Variants in DTNBP1 observed in about 807,000 individuals in gnomAD.
DTNBP1 encodes the protein dystrobrevin binding protein 1, also known as dysbindin.
A neutral mutation model predicts 42.8 loss-of-function variants in DTNBP1; 35 were observed. That is an observed-to-expected ratio of 0.82 (90% CI 0.63 to 1.09). The LOEUF (loss-of-function observed/expected upper bound fraction) is 1.09. Among genes scored for constraint, DTNBP1 ranks in the 50% least tolerant of loss-of-function variants. The pLI, the probability that DTNBP1 is intolerant of heterozygous loss-of-function variation, is 0.00. For missense variants in DTNBP1, 457 were observed against 424.2 expected, an observed-to-expected ratio of 1.08 and a Z score of -0.68; for synonymous variants, 171 against 162.2, an observed-to-expected ratio of 1.05 and a Z score of -0.41.
At chr6:15,528,382 TACC>T (rs34327565) in intron 8 of DTNBP1, among the ~76,000 whole-genome samples, 24,143 of 151,978 alleles carry the variant, frequency 0.16, 2,953 homozygotes, top group African/African-American at 0.34. Flanking sequence ...AGCACACCCT[TACC>T]ACCCCAGGCA....
At chr6:15,567,330 A>G (rs1775136829) in intron 7 of DTNBP1, among the ~76,000 whole-genome samples, 1 of 151,948 alleles carries the variant, frequency 6.6e-6, no homozygotes, top group African/African-American at 2.4e-5. Context: ...GCAAATACCT[A>G]TAGCCCCAGC....
chr6:15,532,697 C>CT (rs373480713), intron 8 of DTNBP1, among the ~76,000 whole-genome samples: 52,881 of 92,440 alleles, frequency 0.57, 17,426 homozygotes, highest in East Asian at 0.89. Context: ...TGTTTGTAAT[C>CT]TTTTTTTTTT....
chr6:15,611,044 G>C (rs984830510), intron 6 of DTNBP1, among the ~76,000 whole-genome samples: 6 of 152,222 alleles, frequency 3.9e-5, no homozygotes, highest in Non-Finnish European at 8.8e-5. Context: ...TGACACCTAG[G>C]ACTTTCATAG....
At chr6:15,532,551 G>C (rs1413309886) in intron 8 of DTNBP1, among the ~76,000 whole-genome samples, 1 of 152,116 alleles carries the variant, frequency 6.6e-6, no homozygotes. Context: ...ATACCAATTA[G>C]ATAAGCAGAC....
At chr6:15,531,402 C>T (rs138684242) in intron 8 of DTNBP1, among the ~76,000 whole-genome samples, 6 of 151,982 alleles carry the variant, frequency 3.9e-5, no homozygotes, top group African/African-American at 1.2e-4. Flanking sequence ...CACGTATGCT[C>T]GGAGGAAACG....
intron 7 of DTNBP1, 105 bp downstream of exon 7, chr6:15,592,954 A>G (rs1227049653): frequency 8.5e-7 from 1 of 1,173,700 alleles, no homozygotes; most frequent in Admixed American, 2.6e-5. Context: ...TTACTGTTTT[A>G]TGTAAACTGA....
At chr6:15,531,784 T>C (rs1018862884) in intron 8 of DTNBP1, among the ~76,000 whole-genome samples, 7 of 152,172 alleles carry the variant, frequency 4.6e-5, no homozygotes, top group Admixed American at 1.3e-4. Flanking sequence ...CAGGCACATG[T>C]CACCACGCCC....
chr6:15,523,222 G>A lies in DTNBP1; in HGVS notation c.812-3C>T. The A allele has an allele frequency of 6.2e-7, 1 of 1,614,058 alleles. No individual in the cohort carries two copies. The highest frequency in any genetic ancestry group is 8.5e-7 in the Non-Finnish European group (1 of 1,179,992). ...CTGACAGGTACTGGATTCAGGCCCT[G>A]CAAAATAACGTAGGGAAGAAAAAGC... On this transcript the variant is annotated splice_polypyrimidine_tract_variant and splice_region_variant and intron_variant, in intron 9 of 9. Coordinates refer to ENST00000344537, the MANE Select transcript of DTNBP1 (RefSeq NM_032122.5).
At chr6:15,559,415 A>T (rs557474083) in intron 7 of DTNBP1, among the ~76,000 whole-genome samples, 1 of 152,346 alleles carries the variant, frequency 6.6e-6, no homozygotes, top group African/African-American at 2.4e-5. Context: ...CCTACACAAC[A>T]ACAACAAACC....
chr6:15,561,057 A>G (rs1774816345), intron 7 of DTNBP1, among the ~76,000 whole-genome samples: 1 of 152,216 alleles, frequency 6.6e-6, no homozygotes, highest in Non-Finnish European at 1.5e-5. Context: ...ACTATGTTTC[A>G]ATAACTATAG....
At chr6:15,534,274 T>C (rs1773073236) in intron 7 of DTNBP1, among the ~76,000 whole-genome samples, 1 of 152,176 alleles carries the variant, frequency 6.6e-6, no homozygotes, top group Non-Finnish European at 1.5e-5. Context: ...AGCATGAATA[T>C]ATTTAATACC....
At chr6:15,603,326 G>A (rs1776801071) in intron 6 of DTNBP1, among the ~76,000 whole-genome samples, 1 of 152,110 alleles carries the variant, frequency 6.6e-6, no homozygotes, top group African/African-American at 2.4e-5. Flanking sequence ...AACCACCTGG[G>A]AACCATCTAA....
intron 6 of DTNBP1, among the ~76,000 whole-genome samples, chr6:15,608,415 TA>T (rs2113678791): frequency 6.6e-6 from 1 of 152,290 alleles, no homozygotes; most frequent in South Asian, 2.1e-4. Context: ...GACAATGCAT[TA>T]GCTTCATTTT....
intron 7 of DTNBP1, among the ~76,000 whole-genome samples, chr6:15,561,179 C>G (rs1774823626): frequency 6.6e-6 from 1 of 152,066 alleles, no homozygotes; most frequent in South Asian, 2.1e-4. Flanking sequence ...GATGCAAGCT[C>G]AGAAGAAACA....
chr6:15,613,471 A>G (rs1241312958), intron 6 of DTNBP1, among the ~76,000 whole-genome samples: 4 of 138,838 alleles, frequency 2.9e-5, no homozygotes, highest in Non-Finnish European at 4.5e-5. Flanking sequence ...GGTTCATGCC[A>G]TTCTCCTGCC....
intron 6 of DTNBP1, among the ~76,000 whole-genome samples, chr6:15,594,255 G>C (rs539237612): frequency 1.3e-5 from 2 of 152,224 alleles, no homozygotes; most frequent in Non-Finnish European, 2.9e-5. Context: ...CTGAGGTCAG[G>C]AGTTCGAGAT....
At chr6:15,626,466 AG>A in intron 5 of DTNBP1, among the ~76,000 whole-genome samples, 1 of 152,316 alleles carries the variant, frequency 6.6e-6, no homozygotes, top group South Asian at 2.1e-4. Flanking sequence ...TAAAAACAGG[AG>A]GAGATAATAG....
chr6:15,617,219 T>G (rs1047455025), intron 5 of DTNBP1, among the ~76,000 whole-genome samples: 1 of 151,914 alleles, frequency 6.6e-6, no homozygotes, highest in African/African-American at 2.4e-5. Flanking sequence ...TGAAAGAAGT[T>G]GAAGAAGACA....
intron 6 of DTNBP1, among the ~76,000 whole-genome samples, chr6:15,611,518 T>C (rs1248474683): frequency 6.6e-6 from 1 of 152,158 alleles, no homozygotes; most frequent in Non-Finnish European, 1.5e-5. Flanking sequence ...GAAATACAAT[T>C]TGTAAGGCTA....
Sources: gnomAD v4.1 joint callset for allele counts (sites outside exome capture counted in the v4.1 genomes callset) on GRCh38, gnomAD v4.1.1 for gene constraint, MANE v1.5 for transcripts, NCBI Gene and HGNC (gene_info 2026-07-23, HGNC 2026-07-21) for gene names.